The following ANKRD30B variants were observed in gnomAD, a reference collection of about 807,000 sequenced individuals.
ANKRD30B encodes the protein ankyrin repeat domain 30B, also known as ankyrin repeat domain-containing protein 30B.
ANKRD30B carries 144 observed loss-of-function variants against 202.2 expected under a neutral mutation model. That is an observed-to-expected ratio of 0.71 (90% CI 0.62 to 0.82). ANKRD30B has a LOEUF of 0.82. Among genes scored for constraint, ANKRD30B ranks in the 40% least tolerant of loss-of-function variants. The probability of loss-of-function intolerance (pLI) is 0.00; values close to 1 mark genes in which losing one functional copy is unlikely to be tolerated. For synonymous variants in ANKRD30B, 508 were observed against 561.3 expected (o/e 0.91, Z 1.34); for missense variants, 1,487 against 1,669.1 (o/e 0.89, Z 1.90).
the ANKRD30B span, among the ~76,000 whole-genome samples, chr18:14,913,335 G>T: frequency 2.2e-3 from 330 of 152,232 alleles, 3 homozygotes; most frequent in African/African-American, 7.5e-3. Flanking sequence ...GTGCACCTAA[G>T]GGCCAGAGAA....
the ANKRD30B span, among the ~76,000 whole-genome samples, chr18:14,880,967 A>C: frequency 6.6e-6 from 1 of 152,174 alleles, no homozygotes; most frequent in African/African-American, 2.4e-5. Flanking sequence ...TTCTTTTATC[A>C]GTTCTAGGAG....
At chr18:14,892,454 G>T in the ANKRD30B span, among the ~76,000 whole-genome samples, 1 of 151,988 alleles carries the variant, frequency 6.6e-6, no homozygotes, top group Non-Finnish European at 1.5e-5. Context: ...TACAAGAGGT[G>T]ATGGCTGGAT....
At chr18:14,914,000 A>T in the ANKRD30B span, among the ~76,000 whole-genome samples, 1 of 152,174 alleles carries the variant, frequency 6.6e-6, no homozygotes, top group South Asian at 2.1e-4. Context: ...TAAACGGGGT[A>T]ATTTGTCCAA....
the ANKRD30B span, among the ~76,000 whole-genome samples, chr18:14,872,719 A>T: frequency 1.2e-4 from 18 of 152,132 alleles, no homozygotes; most frequent in Non-Finnish European, 2.2e-4. Context: ...CACACATGGA[A>T]TCTGAGCCAG....
chr18:14,872,577 C>T, the ANKRD30B span, among the ~76,000 whole-genome samples: 1 of 152,228 alleles, frequency 6.6e-6, no homozygotes, highest in South Asian at 2.1e-4. Context: ...ACTCAGTCTC[C>T]TGCTTGGTTC....
intron 32 of ANKRD30B, among the ~76,000 whole-genome samples, chr18:14,825,673 A>C (rs1304850405): frequency 6.6e-6 from 1 of 151,850 alleles, no homozygotes; most frequent in African/African-American, 2.4e-5. Context: ...TATCTTTATA[A>C]TTTTTTTAAC....
At position 14,784,488 on chromosome 18, in the gene ANKRD30B, T is replaced by C; in HGVS notation, c.1625T>C (p.Val542Ala). The C allele has an allele frequency of 2.5e-6, 4 of 1,613,226 alleles. No individual in the cohort carries two copies. Among genetic ancestry groups the C allele is most frequent in the Non-Finnish European group, 3.4e-6 (4 of 1,179,390 alleles). Residue 542 changes from valine (V) to alanine (A), a missense_variant, in exon 14 of 44, where the codon GTT becomes GCT. Val to Ala is a moderately conservative substitution (Grantham distance 64, BLOSUM62 0). Transcript: ENST00000690538. The stretch of plus-strand genomic sequence containing the variant: ...CCTGCCGTTGAAATGCAAAAGACTG[T>C]TCCAAATAAAGCCTTTGAATTGAAG... ...FKPAVEMQKTVPNKAFELKNE... is the reference protein window; with the variant it reads ...FKPAVEMQKTAPNKAFELKNE...
In ANKRD30B at chr18:14,782,575, A is replaced by G; in HGVS notation, c.1531A>G (p.Met511Val). ...AKTQVCIPES[M>V]YQKVMEINRE... ...GACTCAAGTGTGTATACCTGAGTCTATGTATCAGAAAGTAATGGAGATAAA... is the reference window on the plus strand; with the variant it reads ...GACTCAAGTGTGTATACCTGAGTCTGTGTATCAGAAAGTAATGGAGATAAA... The change falls in exon 12 of 44, where the codon ATG becomes GTG. Residue 511 changes from methionine (M) to valine (V), a missense_variant. This residue lies in a region of ANKRD30B where 889 missense variants were observed against 841.4 expected (regional missense o/e 1.06). Transcript: ENST00000690538. The G allele has an allele frequency of 1.3e-5, 21 of 1,588,950 alleles. No individual in the cohort carries two copies. The highest frequency in any genetic ancestry group is 1.8e-5 in the Non-Finnish European group (21 of 1,171,112).
At chr18:14,894,325 C>G in the ANKRD30B span, among the ~76,000 whole-genome samples, 1 of 152,076 alleles carries the variant, frequency 6.6e-6, no homozygotes, top group Admixed American at 6.5e-5. Context: ...GAAATTGATA[C>G]TAATTCTTTT....
chr18:14,888,421 TA>T, the ANKRD30B span, among the ~76,000 whole-genome samples: 3 of 152,040 alleles, frequency 2.0e-5, no homozygotes, highest in African/African-American at 4.8e-5. Context: ...TAAATTAATT[TA>T]AAAAAATCAC....
chr18:14,917,826 C>G, the ANKRD30B span, among the ~76,000 whole-genome samples: 3 of 152,220 alleles, frequency 2.0e-5, no homozygotes, highest in African/African-American at 4.8e-5. Flanking sequence ...TTAGGAACTC[C>G]TGGCCCATCT....
chr18:14,751,481 T>G (rs1432808538), intron 1 of ANKRD30B, among the ~76,000 whole-genome samples: 1 of 152,058 alleles, frequency 6.6e-6, no homozygotes, highest in East Asian at 1.9e-4. Context: ...ATTAAGCTTT[T>G]CCTCTCATGT....
At chr18:14,873,040 A>G in the ANKRD30B span, among the ~76,000 whole-genome samples, 2 of 152,136 alleles carry the variant, frequency 1.3e-5, no homozygotes, top group South Asian at 2.1e-4. Context: ...TGAAAGAGGA[A>G]TGGAAAGATG....
intron 8 of ANKRD30B, among the ~76,000 whole-genome samples, chr18:14,771,130 C>T (rs959723503): frequency 1.4e-4 from 21 of 152,116 alleles, no homozygotes; most frequent in Admixed American, 1.2e-3. Context: ...GACTCCATTT[C>T]GTTGTTTTTC....
the ANKRD30B span, among the ~76,000 whole-genome samples, chr18:14,908,145 T>G: frequency 6.6e-6 from 1 of 152,180 alleles, no homozygotes; most frequent in African/African-American, 2.4e-5. Context: ...AGAGGAGGCA[T>G]GGCTAGCAGA....
intron 39 of ANKRD30B, among the ~76,000 whole-genome samples, chr18:14,848,292 G>T (rs1281973905): frequency 6.6e-6 from 1 of 151,872 alleles, no homozygotes; most frequent in African/African-American, 2.4e-5. Flanking sequence ...GTTCTCTCTT[G>T]GCTGGAGGCA....
chr18:14,893,306 T>A, the ANKRD30B span, among the ~76,000 whole-genome samples: 2 of 152,168 alleles, frequency 1.3e-5, no homozygotes, highest in African/African-American at 4.8e-5. Context: ...TAGGCACAAA[T>A]ATTTATAGAA....
chr18:14,923,340 T>C, the ANKRD30B span, among the ~76,000 whole-genome samples: 1 of 151,546 alleles, frequency 6.6e-6, no homozygotes, highest in Non-Finnish European at 1.5e-5. Flanking sequence ...GGCCCTTGGG[T>C]TCTAAGTGAA....
chr18:14,860,386 G>GGCAGCCGGGCAGA, the ANKRD30B span, among the ~76,000 whole-genome samples: 1 of 120,112 alleles, frequency 8.3e-6, no homozygotes, highest in Admixed American at 8.7e-5. Flanking sequence ...TCCCAGAGGG[G>GGCAGCCGGGCAGA]GTGGCCGGGC....
Sources: gnomAD v4.1 joint callset for allele counts (sites outside exome capture counted in the v4.1 genomes callset) on GRCh38, gnomAD v4.1.1 for gene constraint, gnomAD v4.1.1 regional missense constraint, MANE v1.5 for transcripts, NCBI Gene and HGNC (gene_info 2026-07-23, HGNC 2026-07-21) for gene names.